TSTD2: variants seen among roughly 807,000 people sequenced by gnomAD.
The protein encoded by TSTD2 is thiosulfate sulfurtransferase/rhodanese-like domain-containing protein 2.
A neutral mutation model predicts 47.9 loss-of-function variants in TSTD2; 37 were observed. That is an observed-to-expected ratio of 0.77 (90% confidence interval 0.59 to 1.02). The LOEUF is 1.02. TSTD2 is among the 50% of genes least tolerant of loss of function. The pLI is 0.00. For synonymous variants in TSTD2, 201 were observed against 215.9 expected, an observed-to-expected ratio of 0.93 and a Z score of 0.61; for missense variants, 586 against 616.0, an observed-to-expected ratio of 0.95 and a Z score of 0.52.
rs1327818573 is a variant in TSTD2 at position 97,601,104 on chromosome 9, AAG to A, written c.*1363_*1364del. ...CGGGGCCAGGGCCTCAGCGCTATGGAAGAGTGTCCACTGAGGCTGCACATGGC... is the reference window on the plus strand; with the variant it reads ...CGGGGCCAGGGCCTCAGCGCTATGGAAGTGTCCACTGAGGCTGCACATGGC... On this transcript the variant is annotated 3_prime_UTR_variant, in exon 10 of 10. Transcript: ENST00000341170. 3.1e-6 allele frequency: 4 copies of A among 1,304,178 alleles called. No homozygotes were observed. The highest frequency in any genetic ancestry group is 3.0e-5 in the African/African-American group (2 of 65,874). 80.8% of individuals were successfully genotyped at this position (1,304,178 alleles called of 1,614,324 possible).
chr9:97,606,642 G>A (rs1292966828), intron 6 of TSTD2, among the ~76,000 whole-genome samples: 3 of 152,196 alleles, frequency 2.0e-5, no homozygotes, highest in African/African-American at 7.2e-5. Context: ...TCAGGAAATG[G>A]CCACTGCTCT....
chr9:97,620,750 T>A (rs113120305), intron 3 of TSTD2, among the ~76,000 whole-genome samples: 3,783 of 152,236 alleles, frequency 0.025, 166 homozygotes, highest in African/African-American at 0.086. Context: ...CCCTAAAGAT[T>A]TGGGGAACTT....
intron 4 of TSTD2, among the ~76,000 whole-genome samples, chr9:97,616,301 C>T (rs1201619960): frequency 6.6e-6 from 1 of 152,124 alleles, no homozygotes; most frequent in African/African-American, 2.4e-5. Flanking sequence ...CCAACTCACG[C>T]AGGAACCTAA....
At position 97,601,279 on chromosome 9, in the gene TSTD2, C is replaced by A; in HGVS notation, c.*1190G>T. 1 of 1,195,736 alleles carries A rather than the reference C, an allele frequency of 8.4e-7. No individual in the cohort carries two copies. The highest frequency in any genetic ancestry group is 1.1e-6 in the Non-Finnish European group (1 of 935,192). The allele number at this position is 1,195,736 out of a possible 1,614,324, so 74.1% of individuals were successfully genotyped here. ...ATGGCTGCGTATGTGTTTCTTGGAACCTGTGTGACAGGGACATGTGCCTGG... is the reference window on the plus strand; with the variant it reads ...ATGGCTGCGTATGTGTTTCTTGGAAACTGTGTGACAGGGACATGTGCCTGG... On this transcript the variant is annotated 3_prime_UTR_variant, in exon 10 of 10. Transcript: ENST00000341170.
intron 5 of TSTD2, chr9:97,611,106 T>C (rs1397449692): frequency 6.4e-6 from 1 of 156,548 alleles, no homozygotes; most frequent in African/African-American, 2.4e-5. Flanking sequence ...ACTCCTTCTA[T>C]TGTACTGTCT....
rs748541446 is a variant in TSTD2 at position 97,611,576 on chromosome 9, TA to T, written c.726del (p.Phe242LeufsTer50). On this transcript the variant is annotated frameshift_variant, in exon 5 of 10. Transcript: ENST00000341170. LOFTEE classifies it high-confidence loss of function. ...ATTTAATTTTCATTTTCTCTTACCT[TA>T]AAATCATCTTTACACAGGTCATCCT... ...LFKDDLCKDD[F>X]KTSKGGAHCF... 9 of 1,586,368 alleles carry T rather than the reference TA, an allele frequency of 5.7e-6. No individual in the cohort carries two copies. The highest frequency in any genetic ancestry group is 1.7e-4 in the Middle Eastern group (1 of 5,996).
intron 1 of TSTD2, among the ~76,000 whole-genome samples, chr9:97,629,930 A>G (rs151022992): frequency 1.1e-3 from 170 of 152,274 alleles, no homozygotes; most frequent in African/African-American, 3.8e-3. Flanking sequence ...ATCTCCCTCT[A>G]TATGACCTGA....
At chr9:97,632,611 T>C (rs1826848508) in intron 1 of TSTD2, among the ~76,000 whole-genome samples, 1 of 151,812 alleles carries the variant, frequency 6.6e-6, no homozygotes, top group African/African-American at 2.4e-5. Context: ...CTTGAACTCC[T>C]AGGCTCAAGC....
chr9:97,631,025 G>A (rs925686416), intron 1 of TSTD2, among the ~76,000 whole-genome samples: 5 of 152,190 alleles, frequency 3.3e-5, no homozygotes, highest in African/African-American at 7.2e-5. Flanking sequence ...CCTTATCTGA[G>A]TAAAAGACAA....
chr9:97,626,404 A>T (rs1587984267), intron 2 of TSTD2, among the ~76,000 whole-genome samples: 1 of 152,204 alleles, frequency 6.6e-6, no homozygotes, highest in East Asian at 1.9e-4. Flanking sequence ...TTATATGGAA[A>T]AATATTTTAT....
Position 97,602,452 on chromosome 9 carries a change from AATGCCAAAGGTGCTGCTCACAT to A in TSTD2, c.1546_*16del, listed in dbSNP as rs754770435. 6.4e-7 allele frequency: 1 copy of A among 1,569,022 alleles called. No individual in the cohort carries two copies. The highest frequency in any genetic ancestry group is 1.2e-5 in the South Asian group (1 of 84,896). ...CCTACTTTTACCGAGGGCCTGGGAA[AATGCCAAAGGTGCTGCTCACAT>A]AAGCACTGGCCCATCCTCATCAGCA... On this transcript the variant is annotated stop_lost and 3_prime_UTR_variant, in exon 10 of 10. Transcript: ENST00000341170.
At chr9:97,605,024 T>C (rs952765) in intron 8 of TSTD2, 159 bp from the exon 9 acceptor site, 269,134 of 927,108 alleles carry the variant, frequency 0.29, 41,203 homozygotes, top group Non-Finnish European at 0.31. Flanking sequence ...CACTGAGGAA[T>C]TGCTGACCAA....
In TSTD2 at chr9:97,625,812, C is replaced by T. The variant is rs2131317265; in HGVS notation, c.351G>A (p.Val117=). The T allele has an allele frequency of 6.2e-7, 1 of 1,614,172 alleles. No individual in the cohort carries two copies. Among genetic ancestry groups the T allele is most frequent in the African/African-American group, 1.3e-5 (1 of 75,060 alleles). The change falls in exon 3 of 10, where the codon GTG becomes GTA. Residue 117 remains valine (V), a synonymous_variant. Transcript: ENST00000341170. ...QTASILKQLA[V]TLSTSKSLSS... ...AAAGACTCTTTGAGGTGCTCAATGT[C>T]ACAGCCAGTTGCTTTAAAATAGAAG...
chr9:97,600,152 T>C lies in TSTD2; in HGVS notation c.*2317A>G. 1 of 1,001,510 alleles carries C rather than the reference T, an allele frequency of 1.0e-6. No homozygotes were observed. Among genetic ancestry groups the C allele is most frequent in the Non-Finnish European group, 1.2e-6 (1 of 837,902 alleles). 62.0% of individuals were successfully genotyped at this position (1,001,510 alleles called of 1,614,324 possible). A position where few individuals can be genotyped will look rare whatever the true frequency, so the allele number is the denominator to read the frequency against. On this transcript the variant is annotated 3_prime_UTR_variant, in exon 10 of 10. Coordinates refer to ENST00000341170, the MANE Select transcript of TSTD2 (RefSeq NM_139246.5). ...ATTAGCAAATAAAACTGATTATCAT[T>C]CTTTATTAACCCTCCTTGGAATTTT...
At position 97,604,558 on chromosome 9, in the gene TSTD2, TTC is replaced by T. The variant is rs546914448; in HGVS notation, c.1252+167_1252+168del. The T allele has an allele frequency of 1.2e-3, 1,195 of 1,017,752 alleles. 1 individual carries two copies. Among genetic ancestry groups the T allele is most frequent in the Non-Finnish European group, 1.6e-3 (1,147 of 722,806 alleles). The allele number at this position is 1,017,752 out of a possible 1,614,324, so 63.0% of individuals were successfully genotyped here. A position where few individuals can be genotyped will look rare whatever the true frequency, so the allele number is the denominator to read the frequency against. On this transcript the variant is annotated intron_variant, in intron 9 of 9. Transcript: ENST00000341170. ...AGGCCTCCTGACTCCTGGGCTAGGG[TTC>T]TCTCAGCTCCACAGCTGGGAAAATG...
In TSTD2 at chr9:97,600,734, T is replaced by C. The variant is rs1210518816; in HGVS notation, c.*1735A>G. The C allele has an allele frequency of 4.0e-6, 4 of 1,007,828 alleles. No homozygotes were observed. Among genetic ancestry groups the C allele is most frequent in the Non-Finnish European group, 4.7e-6 (4 of 843,534 alleles). 62.4% of individuals were successfully genotyped at this position (1,007,828 alleles called of 1,614,324 possible). On this transcript the variant is annotated 3_prime_UTR_variant, in exon 10 of 10. Coordinates refer to ENST00000341170, the MANE Select transcript of TSTD2 (RefSeq NM_139246.5). ...GACAATGGTGAAGAAACTCCAGATA[T>C]CAAGGAATTGGGAAATCCTGGCCAA...
chr9:97,626,938 T>C (rs2131317904), intron 2 of TSTD2, among the ~76,000 whole-genome samples: 1 of 152,012 alleles, frequency 6.6e-6, no homozygotes, highest in East Asian at 1.9e-4. Flanking sequence ...TTTTTTTTAA[T>C]ATTTTTGATT....
Position 97,605,967 on chromosome 9 carries a change from C to T in TSTD2, c.954+176G>A, listed in dbSNP as rs552160437. 1.2e-4 allele frequency among the ~76,000 whole-genome samples: 18 copies of T among 152,322 alleles called. No individual in the cohort carries two copies. The East Asian group carries it at 2.7e-3, about 23-fold the overall frequency. ...TGCCTTTAATTCATATTTTCTTAGACTCTCTCACCAGATTTCTGAGTTTTA... is the reference window on the plus strand; with the variant it reads ...TGCCTTTAATTCATATTTTCTTAGATTCTCTCACCAGATTTCTGAGTTTTA... On this transcript the variant is annotated intron_variant, in intron 7 of 9. Transcript: ENST00000341170.
intron 2 of TSTD2, 145 bp downstream of exon 2, chr9:97,627,253 T>C: frequency 7.3e-7 from 1 of 1,364,698 alleles, no homozygotes; most frequent in Non-Finnish European, 9.5e-7. Flanking sequence ...ATGATTACCC[T>C]TTGCCTGGGA....
Sources: allele counts gnomAD v4.1 joint callset (sites outside exome capture counted in the v4.1 genomes callset), GRCh38; gene constraint gnomAD v4.1.1; transcripts MANE v1.5; gene names NCBI Gene and HGNC (gene_info 2026-07-23, HGNC 2026-07-21).